Variants in ASAP3 observed in about 807,000 individuals in gnomAD.
The protein encoded by ASAP3 is arf-GAP with SH3 domain, ANK repeat and PH domain-containing protein 3.
A neutral mutation model predicts 118.2 loss-of-function variants in ASAP3; 85 were observed. The observed-to-expected ratio is 0.72, with a 90% confidence interval of 0.60 to 0.86. The LOEUF is 0.86. Ranked by LOEUF, ASAP3 falls within the 40% of genes least tolerant of loss-of-function variation. The probability of loss-of-function intolerance (pLI) is 0.00; values close to 1 mark genes in which losing one functional copy is unlikely to be tolerated. For synonymous variants in ASAP3, 432 were observed against 477.4 expected (o/e 0.90, Z 1.24); for missense variants, 1,026 against 1,175.0 (o/e 0.87, Z 1.85).
rs1208796458 is a variant in ASAP3, at chr1:23,436,689, A to G, written c.1477-35T>C. On this transcript the variant is annotated intron_variant, in intron 15 of 24. Coordinates refer to ENST00000336689, the MANE Select transcript of ASAP3 (RefSeq NM_017707.4). The surrounding 1 kb of genome is among the most constrained non-coding windows in gnomAD (Gnocchi z 4.2). ...TAGGAAAATAGACGTGGGGCGGAGTAAGACCGGGCGGTTAAGCCTGCATAG... is the reference window on the plus strand; with the variant it reads ...TAGGAAAATAGACGTGGGGCGGAGTGAGACCGGGCGGTTAAGCCTGCATAG... 3 of 1,612,440 alleles carry G rather than the reference A, an allele frequency of 1.9e-6. No individual in the cohort carries two copies. In the African/African-American group the frequency reaches 4.0e-5, roughly 22 times the overall value.
At chr1:23,476,650 C>T (rs976294021) in intron 1 of ASAP3, among the ~76,000 whole-genome samples, 7 of 152,182 alleles carry the variant, frequency 4.6e-5, no homozygotes, top group African/African-American at 1.7e-4. Context: ...AACTTAAACT[C>T]ACTACCAGGG....
At chr1:23,463,652 A>C (rs1641667295) in intron 1 of ASAP3, among the ~76,000 whole-genome samples, 1 of 152,072 alleles carries the variant, frequency 6.6e-6, no homozygotes, top group African/African-American at 2.4e-5. Flanking sequence ...CCCAGCCTGG[A>C]GTGCAATGGC....
intron 1 of ASAP3, among the ~76,000 whole-genome samples, chr1:23,468,633 G>A (rs1255961150): frequency 6.6e-6 from 1 of 151,784 alleles, no homozygotes; most frequent in Non-Finnish European, 1.5e-5. Context: ...AGCACTTTGG[G>A]AGGCTGAGGT....
Position 23,436,993 on chromosome 1 carries a change from G to C in ASAP3, c.1394C>G (p.Ser465Trp). The change falls in exon 15 of 25, where the codon TCG becomes TGG. Residue 465 changes from serine (S) to tryptophan (W), a missense_variant. By Grantham distance (177) the Ser-to-Trp change is radical (BLOSUM62 -3). Coordinates refer to ENST00000336689, the MANE Select transcript of ASAP3 (RefSeq NM_017707.4). This position sits in a 1 kb window ranked among gnomAD's most constrained non-coding sequence, Gnocchi z 4.2. ...CACGCCCAGTTCGCGGTGGACGCCC[G>C]AGCACTGGATGCAGGTGAGCACGCC... ...NLGVLTCIQC[S>W]GVHRELGVRF... The C allele has an allele frequency of 6.2e-7, 1 of 1,612,064 alleles. No individual in the cohort carries two copies. Among genetic ancestry groups the C allele is most frequent in the Non-Finnish European group, 8.5e-7 (1 of 1,179,584 alleles).
chr1:23,445,440 G>A (rs759521849), intron 5 of ASAP3, among the ~76,000 whole-genome samples: 3 of 151,482 alleles, frequency 2.0e-5, no homozygotes, highest in Non-Finnish European at 2.9e-5. Context: ...GCAGTGAGCT[G>A]TGATTGTGCC....
At position 23,467,023 on chromosome 1, in the gene ASAP3, G is replaced by A. The variant is rs1452561562; in HGVS notation, c.130-10829C>T. Among the ~76,000 whole-genome samples, 3 of 151,430 alleles carry A rather than the reference G, an allele frequency of 2.0e-5. No homozygotes were observed. In the East Asian group the frequency reaches 5.9e-4, roughly 30 times the overall value. ...GCTGGGATTACAGGCATGCGCCACT[G>A]CACCTGGCTAATTTTCTGTAGTAGA... On this transcript the variant is annotated intron_variant, in intron 1 of 24. Transcript: ENST00000336689.
At chr1:23,432,065 G>C in intron 22 of ASAP3, 147 bp from the exon 23 acceptor site, 1 of 695,866 alleles carries the variant, frequency 1.4e-6, no homozygotes, top group Non-Finnish European at 2.3e-6. Context: ...GGAGTGCAGT[G>C]GTGCAATCTC....
chr1:23,455,961 G>A lies in ASAP3; in HGVS notation c.268C>T (p.Gln90Ter), dbSNP rs766403675. Residue 90 changes from glutamine (Q) to a stop codon, truncating the protein, a stop_gained, in exon 3 of 25, where the codon CAG (glutamine) becomes TAG (stop). Transcript: ENST00000336689. LOFTEE classifies it high-confidence loss of function. ...VESLGNSHLS[Q>*]NSHELSTGFL... ...CCTGTGGACAGCTCATGGCTGTTCT[G>A]GGACAGGTGGCTGTTGCCTAAGGAT... is the stretch of plus-strand genomic sequence containing the variant. 6.2e-7 allele frequency: 1 copy of A among 1,614,128 alleles called. No homozygotes were observed. The highest frequency in any genetic ancestry group is 1.7e-5 in the Admixed American group (1 of 60,018).
chr1:23,478,794 C>G (rs553147046), intron 1 of ASAP3, among the ~76,000 whole-genome samples: 1 of 151,982 alleles, frequency 6.6e-6, no homozygotes, highest in African/African-American at 2.4e-5. Context: ...TGAAAAAACT[C>G]CTATACCTGA....
intron 5 of ASAP3, among the ~76,000 whole-genome samples, chr1:23,448,393 G>C (rs769428542): frequency 3.3e-5 from 5 of 152,132 alleles, no homozygotes; most frequent in Non-Finnish European, 7.3e-5. Flanking sequence ...TAGATGCAAA[G>C]ACCTTACTCC....
At chr1:23,478,478 C>A (rs923157543) in intron 1 of ASAP3, among the ~76,000 whole-genome samples, 7 of 150,622 alleles carry the variant, frequency 4.6e-5, no homozygotes, top group African/African-American at 1.5e-4. Context: ...AAAAAAACTC[C>A]AGCCAGGTGC....
chr1:23,462,858 G>A (rs759671506), intron 1 of ASAP3, among the ~76,000 whole-genome samples: 1 of 152,204 alleles, frequency 6.6e-6, no homozygotes, highest in Non-Finnish European at 1.5e-5. Flanking sequence ...GCAATGTGAT[G>A]AGGGCTATGA....
intron 10 of ASAP3, 143 bp downstream of exon 10, chr1:23,440,959 C>T: frequency 1.4e-6 from 1 of 713,582 alleles, no homozygotes; most frequent in South Asian, 1.8e-5. Context: ...GTGTCCTGGA[C>T]AACCCAGGAA....
chr1:23,436,103 A>G lies in ASAP3; in HGVS notation c.1572-75T>C. On this transcript the variant is annotated intron_variant, in intron 16 of 24. Coordinates refer to ENST00000336689, the MANE Select transcript of ASAP3 (RefSeq NM_017707.4). The surrounding 1 kb of genome is among the most constrained non-coding windows in gnomAD (Gnocchi z 4.2). The stretch of plus-strand genomic sequence containing the variant: ...CTGATCCCTGGGGCCCTCCCACAGG[A>G]GATACAGCTCTCTTTTTCTCCAGAA... 1 of 1,490,300 alleles carries G rather than the reference A, an allele frequency of 6.7e-7. No individual in the cohort carries two copies. The highest frequency in any genetic ancestry group is 1.1e-5 in the South Asian group (1 of 87,206). The allele number at this position is 1,490,300 out of a possible 1,614,324, so 92.3% of individuals were successfully genotyped here.
intron 1 of ASAP3, among the ~76,000 whole-genome samples, chr1:23,465,695 T>C (rs909783242): frequency 3.9e-5 from 6 of 152,038 alleles, no homozygotes; most frequent in Non-Finnish European, 8.8e-5. Flanking sequence ...AGAGACAGGG[T>C]TTCGCCATCT....
chr1:23,446,166 A>G (rs531648413), intron 5 of ASAP3, among the ~76,000 whole-genome samples: 2 of 152,180 alleles, frequency 1.3e-5, no homozygotes, highest in Non-Finnish European at 2.9e-5. Context: ...ACATGGAAAT[A>G]TATCTGCTCC....
intron 1 of ASAP3, among the ~76,000 whole-genome samples, chr1:23,474,537 G>A (rs973325850): frequency 4.6e-5 from 7 of 151,810 alleles, no homozygotes; most frequent in African/African-American, 7.3e-5. Flanking sequence ...GGCCTTCTTC[G>A]TTCCTCTCTC....
At chr1:23,475,905 ACTGCACCACTGCATTCCAGC>A (rs1329612447) in intron 1 of ASAP3, among the ~76,000 whole-genome samples, 3 of 152,146 alleles carry the variant, frequency 2.0e-5, no homozygotes, top group African/African-American at 7.2e-5. Context: ...GTGAGCTATG[ACTGCACCACTGCATTCCAGC>A]CTGGGCAAAA....
chr1:23,448,247 A>G (rs571038050), intron 5 of ASAP3, among the ~76,000 whole-genome samples: 3 of 152,194 alleles, frequency 2.0e-5, no homozygotes, highest in African/African-American at 7.2e-5. Flanking sequence ...TGCAGGCAGG[A>G]AAGTATTTAA....
Sources: allele counts gnomAD v4.1 joint callset (sites outside exome capture counted in the v4.1 genomes callset), GRCh38; gene constraint gnomAD v4.1.1; non-coding constraint Gnocchi (gnomAD v3.1); transcripts MANE v1.5; gene names NCBI Gene and HGNC (gene_info 2026-07-23, HGNC 2026-07-21).